The following ATXN2 variants were observed in gnomAD, a reference collection of about 807,000 sequenced individuals.
The protein encoded by ATXN2 is ataxin-2.
Under a neutral mutation model 138.6 loss-of-function variants are expected in ATXN2, and 37 were observed. The ratio of observed to expected loss-of-function variants is 0.27; its 90% CI spans 0.21 to 0.35. The LOEUF (loss-of-function observed/expected upper bound fraction) is 0.35. Among genes scored for constraint, ATXN2 ranks in the 10% least tolerant of loss-of-function variants. The probability of loss-of-function intolerance (pLI) is 1.00; values close to 1 mark genes in which losing one functional copy is unlikely to be tolerated. For missense variants in ATXN2, 1,216 were observed against 1,480.3 expected, an observed-to-expected ratio of 0.82 and a Z score of 2.93; for synonymous variants, 549 against 543.7, an observed-to-expected ratio of 1.01 and a Z score of -0.13.
chr12:111,573,256 G>T (rs946780222), intron 1 of ATXN2, among the ~76,000 whole-genome samples: 1 of 151,990 alleles, frequency 6.6e-6, no homozygotes, highest in Non-Finnish European at 1.5e-5. Flanking sequence ...GCAATGGAGC[G>T]ATCTCAGCTC....
intron 10 of ATXN2, among the ~76,000 whole-genome samples, chr12:111,515,466 T>C (rs775927529): frequency 6.6e-6 from 1 of 152,194 alleles, no homozygotes; most frequent in Non-Finnish European, 1.5e-5. Context: ...TGAATAAGAA[T>C]TACAAGATTT....
chr12:111,470,053 A>T lies in ATXN2; in HGVS notation c.2842+55T>A, dbSNP rs543136662. On this transcript the variant is annotated intron_variant, in intron 20 of 24. Coordinates refer to ENST00000673436, the MANE Select transcript of ATXN2 (RefSeq NM_001372574.1). The stretch of plus-strand genomic sequence containing the variant: ...TCTTAGATAGAGTATGTTTTCAGAA[A>T]CTTAAATTAAGAAGAGTCACACACA... 1.3e-3 allele frequency: 1,931 copies of T among 1,531,206 alleles called. 9 individuals are homozygous for T. In the Middle Eastern group the frequency reaches 0.013, roughly 10 times the overall value. 94.9% of individuals were successfully genotyped at this position (1,531,206 alleles called of 1,614,324 possible). A position where few individuals can be genotyped will look rare whatever the true frequency, so the allele number is the denominator to read the frequency against.
At chr12:111,534,052 T>G (rs1880999113) in intron 5 of ATXN2, among the ~76,000 whole-genome samples, 1 of 151,746 alleles carries the variant, frequency 6.6e-6, no homozygotes, top group Non-Finnish European at 1.5e-5. Context: ...TAAAATTGGG[T>G]CTAGTGAGTA....
At chr12:111,593,307 C>G (rs558423765) in intron 1 of ATXN2, among the ~76,000 whole-genome samples, 1 of 152,078 alleles carries the variant, frequency 6.6e-6, no homozygotes, top group African/African-American at 2.4e-5. Context: ...GTTGGCCAGA[C>G]TAGTCTCAAA....
At chr12:111,489,952 T>C (rs1592824906) in intron 14 of ATXN2, among the ~76,000 whole-genome samples, 1 of 151,678 alleles carries the variant, frequency 6.6e-6, no homozygotes, top group African/African-American at 2.4e-5. Flanking sequence ...CCTATCATCC[T>C]AGCACTTTGG....
Position 111,455,730 on chromosome 12 carries a change from G to A in ATXN2, c.3270+299C>T. The A allele has an allele frequency of 6.2e-6, 3 of 482,482 alleles. No homozygotes were observed. In the East Asian group the frequency reaches 1.2e-4, roughly 20 times the overall value. 29.9% of individuals were successfully genotyped at this position (482,482 alleles called of 1,614,324 possible). On this transcript the variant is annotated intron_variant, in intron 23 of 24. Coordinates refer to ENST00000673436, the MANE Select transcript of ATXN2 (RefSeq NM_001372574.1). ...ATATATATAGTAGTGAGGCTATATA[G>A]ACATAGCAAAGCAGACACAGAAAGG...
At chr12:111,571,614 A>AATAT (rs1883318747) in intron 1 of ATXN2, among the ~76,000 whole-genome samples, 1 of 152,166 alleles carries the variant, frequency 6.6e-6, no homozygotes, top group African/African-American at 2.4e-5. Flanking sequence ...ATTTTTGAAG[A>AATAT]GTTAATGGGA....
chr12:111,573,385 G>A (rs1287758181), intron 1 of ATXN2, among the ~76,000 whole-genome samples: 4 of 152,134 alleles, frequency 2.6e-5, no homozygotes, highest in African/African-American at 4.8e-5. Flanking sequence ...TAGTAGAGAC[G>A]GAGTTTTGTC....
At chr12:111,475,166 A>T (rs553183028) in intron 18 of ATXN2, among the ~76,000 whole-genome samples, 1 of 151,714 alleles carries the variant, frequency 6.6e-6, no homozygotes. Flanking sequence ...GTGAGCCGAG[A>T]TCGCATCACT....
chr12:111,461,572 G>A (rs920909506), intron 21 of ATXN2, among the ~76,000 whole-genome samples: 5 of 151,896 alleles, frequency 3.3e-5, no homozygotes, highest in Admixed American at 1.3e-4. Context: ...AATACAGTTC[G>A]GTTCCTTGAT....
Position 111,525,334 on chromosome 12 carries a change from G to T in ATXN2, c.572-18C>A. 2 of 1,540,524 alleles carry T rather than the reference G, an allele frequency of 1.3e-6. No individual in the cohort carries two copies. The highest frequency in any genetic ancestry group is 2.6e-5 in the South Asian group (2 of 78,222). Reference sequence around the variant, plus strand: ...AAAAGCATCTGCAAAGAATGGTTTTGGTTGAAAGTTTATATAATCTGGCAA... The same window carrying T: ...AAAAGCATCTGCAAAGAATGGTTTTTGTTGAAAGTTTATATAATCTGGCAA... On this transcript the variant is annotated intron_variant, in intron 5 of 24. Transcript: ENST00000673436.
chr12:111,466,852 A>G (rs1040526705), intron 20 of ATXN2, among the ~76,000 whole-genome samples: 1 of 152,106 alleles, frequency 6.6e-6, no homozygotes, highest in Admixed American at 6.6e-5. Flanking sequence ...TTAAAAAGAA[A>G]AGCACAATTC....
intron 1 of ATXN2, among the ~76,000 whole-genome samples, chr12:111,564,543 T>G (rs1355934931): frequency 6.6e-6 from 1 of 150,602 alleles, no homozygotes; most frequent in East Asian, 1.9e-4. Context: ...CCTAAAATAC[T>G]TATTACCTGA....
chr12:111,570,779 G>A (rs1883274134), intron 1 of ATXN2, among the ~76,000 whole-genome samples: 1 of 152,156 alleles, frequency 6.6e-6, no homozygotes, highest in Non-Finnish European at 1.5e-5. Flanking sequence ...CTACTACACT[G>A]GGTAACCTGG....
intron 22 of ATXN2, among the ~76,000 whole-genome samples, chr12:111,456,631 C>T (rs1036343531): frequency 1.3e-5 from 2 of 152,124 alleles, no homozygotes; most frequent in Non-Finnish European, 2.9e-5. Context: ...TTAAAAAGTC[C>T]CAAGCAAATA....
intron 1 of ATXN2, among the ~76,000 whole-genome samples, chr12:111,559,973 A>G (rs975544656): frequency 1.3e-5 from 2 of 152,168 alleles, no homozygotes; most frequent in African/African-American, 4.8e-5. Flanking sequence ...ATCATTGGAG[A>G]TAAGTGCTAA....
At chr12:111,477,699 T>C (rs951135062) in intron 18 of ATXN2, among the ~76,000 whole-genome samples, 1 of 152,186 alleles carries the variant, frequency 6.6e-6, no homozygotes, top group African/African-American at 2.4e-5. Context: ...TATAAATAAC[T>C]TAAAATAATT....
At chr12:111,474,024 G>A (rs1015536789) in intron 18 of ATXN2, among the ~76,000 whole-genome samples, 3 of 152,180 alleles carry the variant, frequency 2.0e-5, no homozygotes, top group Admixed American at 6.5e-5. Context: ...CAGGCAGACT[G>A]CTTGAGCTCA....
At chr12:111,518,540 C>G (rs1879980911) in intron 8 of ATXN2, 113 bp from the exon 9 acceptor site, 1 of 1,082,150 alleles carries the variant, frequency 9.2e-7, no homozygotes. Context: ...AGGTTCTACA[C>G]TAAACCAAAC....
Sources: gnomAD v4.1 joint callset for allele counts (sites outside exome capture counted in the v4.1 genomes callset) on GRCh38, gnomAD v4.1.1 for gene constraint, MANE v1.5 for transcripts, NCBI Gene and HGNC (gene_info 2026-07-23, HGNC 2026-07-21) for gene names.